The following GAPVD1 variants were observed in gnomAD, a reference collection of about 807,000 sequenced individuals.
The protein encoded by GAPVD1 is GTPase-activating protein and VPS9 domain-containing protein 1.
In GAPVD1, 35 loss-of-function variants were observed where a neutral mutation model predicts 155.5. The observed-to-expected ratio is 0.23, with a 90% confidence interval of 0.17 to 0.30. The LOEUF (loss-of-function observed/expected upper bound fraction) is 0.30, where lower values mean the gene tolerates loss of function less well. Ranked by LOEUF, GAPVD1 falls within the 10% of genes least tolerant of loss-of-function variation. GAPVD1 has a pLI of 1.00. For missense variants in GAPVD1, 1,429 were observed against 1,775.7 expected (o/e 0.80, Z 3.51); for synonymous variants, 636 against 619.7 (o/e 1.03, Z -0.39).
chr9:125,291,893 A>G (rs1440893132), intron 2 of GAPVD1, among the ~76,000 whole-genome samples: 1 of 152,112 alleles, frequency 6.6e-6, no homozygotes, highest in Non-Finnish European at 1.5e-5. Context: ...CCACTGTGAA[A>G]AGGATTGAAG....
rs1396438602 is a variant in GAPVD1 at position 125,299,068 on chromosome 9, G to A, written c.147G>A (p.Lys49=). 1 of 1,602,992 alleles carries A rather than the reference G, an allele frequency of 6.2e-7. No homozygotes were observed. Among genetic ancestry groups the A allele is most frequent in the Non-Finnish European group, 8.5e-7 (1 of 1,175,980 alleles). Residue 49 remains lysine (K), a synonymous_variant, in exon 4 of 28, where the codon AAG becomes AAA. Coordinates refer to ENST00000297933, the MANE Select transcript of GAPVD1 (RefSeq NM_001282680.3). ...EKLYRTAWIA[K]QQRINLDRLI... is the part of the protein sequence containing the mutation. ...TGTATCGTACAGCATGGATTGCGAA[G>A]CAACAGAGAATCAATTTGGATCGGC...
At chr9:125,288,628 C>T (rs866265005) in intron 2 of GAPVD1, among the ~76,000 whole-genome samples, 6 of 152,248 alleles carry the variant, frequency 3.9e-5, no homozygotes, top group Non-Finnish European at 7.4e-5. Flanking sequence ...CCTCCCGCCT[C>T]AACTTCCCAA....
At chr9:125,320,126 A>AT (rs1844087478) in intron 9 of GAPVD1, among the ~76,000 whole-genome samples, 1 of 151,972 alleles carries the variant, frequency 6.6e-6, no homozygotes, top group South Asian at 2.1e-4. Context: ...CATATTTTTC[A>AT]TTTTTTGTGG....
intron 9 of GAPVD1, among the ~76,000 whole-genome samples, chr9:125,319,124 C>G (rs1189841414): frequency 1.3e-5 from 2 of 151,864 alleles, no homozygotes; most frequent in African/African-American, 2.4e-5. Flanking sequence ...GGCAGTGAGT[C>G]AAGATCATGC....
At chr9:125,293,844 A>ATATATT (rs1839146995) in intron 2 of GAPVD1, among the ~76,000 whole-genome samples, 1 of 69,146 alleles carries the variant, frequency 1.4e-5, no homozygotes, top group African/African-American at 7.0e-5. Flanking sequence ...TATATATAAA[A>ATATATT]ATATATTTTA....
intron 2 of GAPVD1, among the ~76,000 whole-genome samples, chr9:125,292,107 G>C (rs577613963): frequency 6.6e-6 from 1 of 152,134 alleles, no homozygotes; most frequent in Admixed American, 6.6e-5. Flanking sequence ...GCTGGCTGTA[G>C]TGTCATATAA....
intron 11 of GAPVD1, among the ~76,000 whole-genome samples, chr9:125,325,339 G>A (rs1427749609): frequency 6.6e-6 from 1 of 151,598 alleles, no homozygotes; most frequent in Non-Finnish European, 1.5e-5. Context: ...TGGCTGACAC[G>A]GTGAAACCCT....
At chr9:125,335,278 CA>C (rs1348855591) in intron 15 of GAPVD1, 2 of 656,402 alleles carry the variant, frequency 3.0e-6, no homozygotes, top group South Asian at 1.9e-5. Flanking sequence ...AAAATACTTG[CA>C]AAAAATGTGT....
intron 21 of GAPVD1, 45 bp from the exon 22 acceptor site, chr9:125,350,250 C>T: frequency 3.7e-6 from 4 of 1,071,468 alleles, no homozygotes; most frequent in East Asian, 2.5e-5. Flanking sequence ...AAAATGTGAC[C>T]ATATCTGGAT....
chr9:125,306,881 G>A (rs371137413), intron 6 of GAPVD1, among the ~76,000 whole-genome samples: 7 of 152,136 alleles, frequency 4.6e-5, no homozygotes, highest in African/African-American at 1.7e-4. Context: ...AGTGCTGAGC[G>A]CACTTTGGGA....
chr9:125,349,697 ATTC>A (rs2132351822), intron 21 of GAPVD1, among the ~76,000 whole-genome samples, 178 bp downstream of exon 21: 1 of 152,162 alleles, frequency 6.6e-6, no homozygotes, highest in South Asian at 2.1e-4. Flanking sequence ...AAAGGTGTTA[ATTC>A]AAGGATTTAA....
chr9:125,300,184 ATTTTT>A lies in GAPVD1; in HGVS notation c.185+1089_185+1093del, dbSNP rs762955122. On this transcript the variant is annotated intron_variant, in intron 4 of 27. Coordinates refer to ENST00000297933, the MANE Select transcript of GAPVD1 (RefSeq NM_001282680.3). Reference sequence around the variant, plus strand: ...AATACCTACGAAGAACATTTATTTTATTTTTTTTTTTTTTTGAGTTGGAGTCTCGC... The same window carrying A: ...AATACCTACGAAGAACATTTATTTTATTTTTTTTTTGAGTTGGAGTCTCGC... Among the ~76,000 whole-genome samples the A allele has an allele frequency of 6.6e-4, 84 of 126,806 alleles. 1 individual carries two copies. The East Asian group carries it at 0.017, about 25-fold the overall frequency. The allele number at this position is 126,806 out of a possible 152,430, so 83.2% of individuals were successfully genotyped here. A position where few individuals can be genotyped will look rare whatever the true frequency, so the allele number is the denominator to read the frequency against.
intron 1 of GAPVD1, among the ~76,000 whole-genome samples, chr9:125,267,751 C>T (rs1392533729): frequency 6.6e-6 from 1 of 151,634 alleles, no homozygotes; most frequent in East Asian, 2.0e-4. Context: ...GACAGGATCT[C>T]CCTATGTTCC....
At chr9:125,270,465 G>A (rs1834713958) in intron 2 of GAPVD1, among the ~76,000 whole-genome samples, 1 of 151,998 alleles carries the variant, frequency 6.6e-6, no homozygotes, top group South Asian at 2.1e-4. Context: ...CCTTCTTTAT[G>A]CTTACCTATA....
chr9:125,273,234 G>A (rs1835196658), intron 2 of GAPVD1, among the ~76,000 whole-genome samples: 1 of 152,148 alleles, frequency 6.6e-6, no homozygotes, highest in Non-Finnish European at 1.5e-5. Context: ...TTTCTAGATT[G>A]GTTGGATACT....
At chr9:125,295,809 C>T (rs1839758883) in intron 3 of GAPVD1, among the ~76,000 whole-genome samples, 1 of 152,084 alleles carries the variant, frequency 6.6e-6, no homozygotes, top group Non-Finnish European at 1.5e-5. Context: ...TCATATTTTG[C>T]TGTGTCATTG....
intron 1 of GAPVD1, chr9:125,264,176 G>T: frequency 1.5e-6 from 1 of 663,150 alleles, no homozygotes. Context: ...AAAAAATTTG[G>T]ATGGGATCAG....
In GAPVD1 at chr9:125,290,994, T is replaced by TAA. The variant is rs35661152; in HGVS notation, c.-149-4447_-149-4446dup. Among the ~76,000 whole-genome samples, 1,145 of 115,366 alleles carry TAA rather than the reference T, an allele frequency of 9.9e-3. 14 individuals are homozygous for TAA. The highest frequency in any genetic ancestry group is 0.039 in the South Asian group (140 of 3,582). The allele number at this position is 115,366 out of a possible 152,430, so 75.7% of individuals were successfully genotyped here. On this transcript the variant is annotated intron_variant, in intron 2 of 27. Coordinates refer to ENST00000297933, the MANE Select transcript of GAPVD1 (RefSeq NM_001282680.3). ...GCAACAGCAAGACCCTGTCTCAAAG[T>TAA]AAAAAAAAAAAAAAAAAAGACTGGG...
chr9:125,331,914 T>C lies in GAPVD1; in HGVS notation c.2174-12T>C, dbSNP rs1314829784. On this transcript the variant is annotated splice_polypyrimidine_tract_variant and intron_variant, in intron 13 of 27. Coordinates refer to ENST00000297933, the MANE Select transcript of GAPVD1 (RefSeq NM_001282680.3). ...AATCACAAATGTAACATACCTCTTA[T>C]CTTCTATTTAGAGGCCCCAGACCTA... The C allele has an allele frequency of 3.7e-6, 6 of 1,613,364 alleles. No homozygotes were observed. Among genetic ancestry groups the C allele is most frequent in the Middle Eastern group, 1.7e-4 (1 of 6,050 alleles).
Sources: gnomAD v4.1 joint callset for allele counts (sites outside exome capture counted in the v4.1 genomes callset) on GRCh38, gnomAD v4.1.1 for gene constraint, MANE v1.5 for transcripts, NCBI Gene and HGNC (gene_info 2026-07-23, HGNC 2026-07-21) for gene names.